OPRD1: variants seen among roughly 807,000 people sequenced by gnomAD.
OPRD1 encodes delta-type opioid receptor.
OPRD1 carries 19 observed loss-of-function variants against 17.5 expected under a neutral mutation model. The ratio of observed to expected loss-of-function variants is 1.09; its 90% CI spans 0.76 to 1.60. The LOEUF is 1.60. Ranked by LOEUF, OPRD1 falls within the 40% of genes most tolerant of loss-of-function variation. The pLI, the probability that OPRD1 is intolerant of heterozygous loss-of-function variation, is 0.00. For missense variants in OPRD1, 483 were observed against 547.2 expected, an observed-to-expected ratio of 0.88 and a Z score of 1.17; for synonymous variants, 256 against 240.9, an observed-to-expected ratio of 1.06 and a Z score of -0.58.
At position 28,869,199 on chromosome 1, in the gene OPRD1, A is replaced by T. The variant is rs1204433792; in HGVS notation, c.*5916A>T. 6.6e-6 allele frequency: 1 copy of T among 152,450 alleles called. No homozygotes were observed. Among genetic ancestry groups the T allele is most frequent in the Admixed American group, 6.6e-5 (1 of 15,264 alleles). 9.4% of individuals were successfully genotyped at this position (152,450 alleles called of 1,614,324 possible). On this transcript the variant is annotated 3_prime_UTR_variant, in exon 3 of 3. Coordinates refer to ENST00000234961, the MANE Select transcript of OPRD1 (RefSeq NM_000911.4). ...TATTCCTTTATTTCTGGGAGCCGGG[A>T]GGAGTGACGGGAGCAAATCAGGACC...
chr1:28,859,273 A>G lies in OPRD1; in HGVS notation c.547A>G (p.Ile183Val), dbSNP rs145377508. ...WVLASGVGVP[I>V]MVMAVTRPRD... ...CCTGGCCTCAGGCGTTGGCGTGCCCATCATGGTCATGGCTGTGACCCGTCC... is the reference window on the plus strand; with the variant it reads ...CCTGGCCTCAGGCGTTGGCGTGCCCGTCATGGTCATGGCTGTGACCCGTCC... The change falls in exon 2 of 3, where the codon ATC becomes GTC. Residue 183 changes from isoleucine to valine, a missense_variant. Transcript: ENST00000234961. 142 of 1,614,016 alleles carry G rather than the reference A, an allele frequency of 8.8e-5. No homozygotes were observed. In the African/African-American group the frequency reaches 1.7e-3, roughly 20 times the overall value.
Position 28,865,746 on chromosome 1 carries a change from C to T in OPRD1, c.*2463C>T, listed in dbSNP as rs1201101975. 1.3e-5 allele frequency: 2 copies of T among 152,068 alleles called. No individual in the cohort carries two copies. Among genetic ancestry groups the T allele is most frequent in the Non-Finnish European group, 1.5e-5 (1 of 68,006 alleles). 9.4% of individuals were successfully genotyped at this position (152,068 alleles called of 1,614,324 possible). ...ACCCCTGTGTCTGAGGGTGGGAGGT[C>T]GTCAGCATGGCAGGAGACACTTCTC... On this transcript the variant is annotated 3_prime_UTR_variant, in exon 3 of 3. Transcript: ENST00000234961.
intron 2 of OPRD1, 55 bp downstream of exon 2, chr1:28,859,358 G>A: frequency 6.9e-7 from 1 of 1,456,640 alleles, no homozygotes; most frequent in Non-Finnish European, 9.3e-7. Context: ...GGCAGTACAT[G>A]GGCCTTTGTG....
chr1:28,835,449 C>T (rs1207898099), intron 1 of OPRD1, among the ~76,000 whole-genome samples: 1 of 152,224 alleles, frequency 6.6e-6, no homozygotes, highest in Admixed American at 6.5e-5. Context: ...TTATAATTAA[C>T]CACTTTCCTT....
intron 1 of OPRD1, among the ~76,000 whole-genome samples, chr1:28,844,448 G>A (rs2088922793): frequency 6.6e-6 from 1 of 151,908 alleles, no homozygotes; most frequent in Non-Finnish European, 1.5e-5. Flanking sequence ...ATGTCACCAT[G>A]CCCAGCTAAT....
At chr1:28,814,741 A>G (rs185565448) in intron 1 of OPRD1, among the ~76,000 whole-genome samples, 1 of 152,324 alleles carries the variant, frequency 6.6e-6, no homozygotes. Context: ...ATTCCCACAC[A>G]GCCTTCCCGG....
rs948841862 is a variant in OPRD1, at chr1:28,868,981, C to G, written c.*5698C>G. The G allele has an allele frequency of 6.6e-6, 1 of 152,174 alleles. No homozygotes were observed. The highest frequency in any genetic ancestry group is 2.1e-4 in the South Asian group (1 of 4,826). 9.4% of individuals were successfully genotyped at this position (152,174 alleles called of 1,614,324 possible). ...AGGCCAGCCCTCTCTTTGTGTCAGC[C>G]GCAGATCCCTCACCTAGGGCATGAC... is the stretch of plus-strand genomic sequence containing the variant. On this transcript the variant is annotated 3_prime_UTR_variant, in exon 3 of 3. Coordinates refer to ENST00000234961, the MANE Select transcript of OPRD1 (RefSeq NM_000911.4).
At chr1:28,846,118 T>C (rs969420648) in intron 1 of OPRD1, among the ~76,000 whole-genome samples, 1 of 152,194 alleles carries the variant, frequency 6.6e-6, no homozygotes, top group Admixed American at 6.5e-5. Flanking sequence ...TGTCGTCACA[T>C]GTGATTTCTG....
chr1:28,820,079 A>C (rs1557568401), intron 1 of OPRD1, among the ~76,000 whole-genome samples: 1 of 152,046 alleles, frequency 6.6e-6, no homozygotes, highest in Non-Finnish European at 1.5e-5. Flanking sequence ...GCACAGAGCT[A>C]GGCATTTGGT....
intron 1 of OPRD1, among the ~76,000 whole-genome samples, chr1:28,847,534 T>C (rs1048189264): frequency 3.3e-5 from 5 of 152,122 alleles, no homozygotes; most frequent in Admixed American, 2.6e-4. Context: ...TGGACATGGA[T>C]ACTGAAAGAA....
rs1421131464 is a variant in OPRD1 at position 28,868,406 on chromosome 1, C to G, written c.*5123C>G. The G allele has an allele frequency of 6.6e-6, 1 of 152,246 alleles. No individual in the cohort carries two copies. The highest frequency in any genetic ancestry group is 2.4e-5 in the African/African-American group (1 of 41,460). The allele number at this position is 152,246 out of a possible 1,614,324, so 9.4% of individuals were successfully genotyped here. A position where few individuals can be genotyped will look rare whatever the true frequency, so the allele number is the denominator to read the frequency against. The stretch of plus-strand genomic sequence containing the variant: ...CACTTCACCTCCACGAGAGCACTCT[C>G]TGAAAGCTAGAGATATGGTAAGCAA... On this transcript the variant is annotated 3_prime_UTR_variant, in exon 3 of 3. Transcript: ENST00000234961.
intron 2 of OPRD1, among the ~76,000 whole-genome samples, chr1:28,862,511 T>C (rs2089132407): frequency 2.0e-5 from 3 of 152,180 alleles, no homozygotes; most frequent in Admixed American, 6.5e-5. Flanking sequence ...GGAGAGAACA[T>C]AGGGGACCTC....
At chr1:28,826,351 T>A (rs1557570261) in intron 1 of OPRD1, among the ~76,000 whole-genome samples, 1 of 151,954 alleles carries the variant, frequency 6.6e-6, no homozygotes, top group Non-Finnish European at 1.5e-5. Flanking sequence ...GGCAGAACCC[T>A]GTCTCTACAA....
intron 1 of OPRD1, among the ~76,000 whole-genome samples, chr1:28,850,588 G>T (rs960040778): frequency 2.0e-5 from 3 of 151,980 alleles, no homozygotes; most frequent in African/African-American, 7.2e-5. Context: ...CTCCCCAAGT[G>T]CTGGGATTAC....
chr1:28,846,128 G>T (rs1397733694), intron 1 of OPRD1, among the ~76,000 whole-genome samples: 1 of 152,144 alleles, frequency 6.6e-6, no homozygotes, highest in African/African-American at 2.4e-5. Context: ...TGTGATTTCT[G>T]ACCATTCCTG....
intron 1 of OPRD1, among the ~76,000 whole-genome samples, chr1:28,852,654 C>G (rs2089015542): frequency 6.6e-6 from 1 of 152,104 alleles, no homozygotes; most frequent in Non-Finnish European, 1.5e-5. Flanking sequence ...GCACTCCAGC[C>G]TGGACGACAT....
chr1:28,853,902 G>T (rs75386544), intron 1 of OPRD1, among the ~76,000 whole-genome samples: 10,227 of 151,586 alleles, frequency 0.067, 412 homozygotes, highest in African/African-American at 0.11. Context: ...CATCACGCCT[G>T]GCTAATTTTT....
rs1401632564 is a variant in OPRD1, at chr1:28,865,676, G to A, written c.*2393G>A. 2 of 152,254 alleles carry A rather than the reference G, an allele frequency of 1.3e-5. No individual in the cohort carries two copies. The highest frequency in any genetic ancestry group is 2.1e-4 in the South Asian group (1 of 4,832). The allele number at this position is 152,254 out of a possible 1,614,324, so 9.4% of individuals were successfully genotyped here. A position where few individuals can be genotyped will look rare whatever the true frequency, so the allele number is the denominator to read the frequency against. On this transcript the variant is annotated 3_prime_UTR_variant, in exon 3 of 3. Coordinates refer to ENST00000234961, the MANE Select transcript of OPRD1 (RefSeq NM_000911.4). ...GCCTGCCAAGCCATTGTGACCTGGG[G>A]TCCCAAGCCACCTAGATCACTCTCA...
intron 1 of OPRD1, among the ~76,000 whole-genome samples, chr1:28,850,190 C>T (rs1340772105): frequency 1.4e-5 from 2 of 146,844 alleles, no homozygotes; most frequent in East Asian, 2.0e-4. Flanking sequence ...GAGAGTCAAA[C>T]TTTTTAAAAA....
Sources: allele counts gnomAD v4.1 joint callset (sites outside exome capture counted in the v4.1 genomes callset), GRCh38; gene constraint gnomAD v4.1.1; transcripts MANE v1.5; gene names NCBI Gene and HGNC (gene_info 2026-07-23, HGNC 2026-07-21).